CERS6: variants seen among roughly 807,000 people sequenced by gnomAD.
CERS6 encodes the protein LAG1 homolog, ceramide synthase 6.
In CERS6, 26 loss-of-function variants were observed where a neutral mutation model predicts 56.8. The observed-to-expected ratio is 0.46, with a 90% confidence interval of 0.34 to 0.63. The LOEUF is 0.63. Among genes scored for constraint, CERS6 ranks in the 30% least tolerant of loss-of-function variants. The pLI is 0.01. For synonymous variants in CERS6, 164 were observed against 173.3 expected (o/e 0.95, Z 0.42); for missense variants, 415 against 467.5 (o/e 0.89, Z 1.04).
chr2:168,691,208 G>C (rs1686493356), intron 5 of CERS6, 124 bp downstream of exon 5: 1 of 794,184 alleles, frequency 1.3e-6, no homozygotes, highest in Admixed American at 1.8e-5. Context: ...CACTCCCGCT[G>C]ATCAGTGCTG....
In CERS6 at chr2:168,680,570, A is replaced by G. The variant is rs577910731; in HGVS notation, c.466-10464A>G. Among the ~76,000 whole-genome samples the G allele has an allele frequency of 3.5e-5, 3 of 84,708 alleles. No homozygotes were observed. In the South Asian group the frequency reaches 1.3e-3, roughly 36 times the overall value. 55.6% of individuals were successfully genotyped at this position (84,708 alleles called of 152,430 possible). A position where few individuals can be genotyped will look rare whatever the true frequency, so the allele number is the denominator to read the frequency against. ...GCCTTCCCCTCCCACCCCACCCTCC[A>G]AGGCTGCTGTGATTTGAATGTGTCC... On this transcript the variant is annotated intron_variant, in intron 4 of 9. Transcript: ENST00000305747.
In CERS6 at chr2:168,704,019, GGAAAA is replaced by G. The variant is rs554543238; in HGVS notation, c.609+8972_609+8976del. Among the ~76,000 whole-genome samples, 17 of 152,296 alleles carry G rather than the reference GGAAAA, an allele frequency of 1.1e-4. No homozygotes were observed. In the East Asian group the frequency reaches 3.3e-3, roughly 29 times the overall value. ...TGGAAGAACAATAGAACTATTGTCT[GGAAAA>G]GAAGTGTTTCATGGGGTAATTTTTA... On this transcript the variant is annotated intron_variant, in intron 6 of 9. Transcript: ENST00000305747.
At chr2:168,489,933 T>A (rs1267558559) in intron 1 of CERS6, among the ~76,000 whole-genome samples, 1 of 152,200 alleles carries the variant, frequency 6.6e-6, no homozygotes, top group Non-Finnish European at 1.5e-5. Context: ...TGGTATAGAT[T>A]CTGGGTCCTG....
At chr2:168,565,920 C>T (rs571550576) in intron 3 of CERS6, among the ~76,000 whole-genome samples, 10 of 152,180 alleles carry the variant, frequency 6.6e-5, no homozygotes, top group South Asian at 6.2e-4. Context: ...AAGCAGGTGC[C>T]GGTTGGGATT....
intron 8 of CERS6, among the ~76,000 whole-genome samples, chr2:168,721,592 C>CAAAAAA (rs1161915718): frequency 1.2e-5 from 1 of 80,728 alleles, no homozygotes. Context: ...AAAACAAAAA[C>CAAAAAA]TAAAGAAAAA....
intron 3 of CERS6, 81 bp downstream of exon 3, chr2:168,561,403 A>G: frequency 6.8e-7 from 1 of 1,473,598 alleles, no homozygotes; most frequent in Non-Finnish European, 9.3e-7. Context: ...AGATCTGTGC[A>G]GGCTTCAGCA....
At chr2:168,606,507 T>G (rs1445305703) in intron 3 of CERS6, 1 of 152,220 alleles carries the variant, frequency 6.6e-6, no homozygotes, top group East Asian at 1.9e-4. Context: ...ACTAAGTTGT[T>G]TTTTATTTTA....
Position 168,546,961 on chromosome 2 carries a change from A to T in CERS6, c.171-635A>T, listed in dbSNP as rs77762470. On this transcript the variant is annotated intron_variant, in intron 1 of 9. Coordinates refer to ENST00000305747, the MANE Select transcript of CERS6 (RefSeq NM_203463.3). ...CTTGACGTAGGCATTGGCTTAGGAT[A>T]AAAACAGTTTTGTGGATGTTCATAA... Among the ~76,000 whole-genome samples, 784 of 152,308 alleles carry T rather than the reference A, an allele frequency of 5.1e-3. 6 individuals carry two copies. Among genetic ancestry groups the T allele is most frequent in the African/African-American group, 0.018 (760 of 41,576 alleles).
chr2:168,751,056 T>G (rs956498351), intron 8 of CERS6, among the ~76,000 whole-genome samples: 2 of 152,186 alleles, frequency 1.3e-5, no homozygotes, highest in Admixed American at 1.3e-4. Flanking sequence ...AAAACATAGC[T>G]GTGGTCACTG....
intron 1 of CERS6, among the ~76,000 whole-genome samples, chr2:168,511,949 TGC>T (rs1491475003): frequency 1.7e-5 from 1 of 59,822 alleles, no homozygotes; most frequent in Non-Finnish European, 4.3e-5. Flanking sequence ...TGCATGCACG[TGC>T]ACACACACAC....
chr2:168,597,017 G>T (rs776293228), intron 3 of CERS6, among the ~76,000 whole-genome samples: 3 of 152,084 alleles, frequency 2.0e-5, no homozygotes, highest in Non-Finnish European at 2.9e-5. Flanking sequence ...CCTGCTTCTT[G>T]AACTCCAATT....
intron 3 of CERS6, among the ~76,000 whole-genome samples, chr2:168,614,388 T>C (rs1020159218): frequency 6.6e-5 from 10 of 152,360 alleles, no homozygotes; most frequent in South Asian, 2.1e-4. Context: ...GGCATGATTT[T>C]AAATGTCTGC....
At position 168,644,229 on chromosome 2, in the gene CERS6, C is replaced by T. The variant is rs192673362; in HGVS notation, c.465+13187C>T. ...GAGGGAGGATTTCAGATAGGGTGCT[C>T]AGGGAAGTCTGAACTGAGCATGTGA... On this transcript the variant is annotated intron_variant, in intron 4 of 9. Transcript: ENST00000305747. The T allele has an allele frequency of 8.5e-6, 8 of 941,428 alleles. No homozygotes were observed. The East Asian group carries it at 8.2e-4, about 96-fold the overall frequency. 58.3% of individuals were successfully genotyped at this position (941,428 alleles called of 1,614,324 possible). A position where few individuals can be genotyped will look rare whatever the true frequency, so the allele number is the denominator to read the frequency against.
At chr2:168,679,882 G>A (rs1686166457) in intron 4 of CERS6, among the ~76,000 whole-genome samples, 1 of 152,134 alleles carries the variant, frequency 6.6e-6, no homozygotes, top group East Asian at 1.9e-4. Flanking sequence ...TTATTTATGA[G>A]CAATATCCTT....
intron 1 of CERS6, among the ~76,000 whole-genome samples, chr2:168,464,283 C>T (rs1693831796): frequency 6.7e-6 from 1 of 150,342 alleles, no homozygotes; most frequent in African/African-American, 2.4e-5. Flanking sequence ...CCTCTGACTC[C>T]CAGGTTCAAG....
chr2:168,645,166 G>C (rs1173372932), intron 4 of CERS6, among the ~76,000 whole-genome samples: 4 of 123,628 alleles, frequency 3.2e-5, no homozygotes, highest in African/African-American at 1.2e-4. Context: ...GAGAGAGAGA[G>C]AGAGAGAGAG....
chr2:168,483,793 G>C (rs1694219587), intron 1 of CERS6, among the ~76,000 whole-genome samples: 1 of 152,192 alleles, frequency 6.6e-6, no homozygotes, highest in Admixed American at 6.5e-5. Context: ...GGAACTTAAT[G>C]AGAAAATATT....
chr2:168,669,170 C>T (rs1282547632), intron 4 of CERS6, among the ~76,000 whole-genome samples: 1 of 152,202 alleles, frequency 6.6e-6, no homozygotes, highest in African/African-American at 2.4e-5. Context: ...GACTCTCTGT[C>T]TTTATGCTCT....
At chr2:168,724,001 C>T (rs980434632) in intron 8 of CERS6, among the ~76,000 whole-genome samples, 1 of 152,176 alleles carries the variant, frequency 6.6e-6, no homozygotes, top group Non-Finnish European at 1.5e-5. Context: ...GGAATTCCTT[C>T]CTAATGTGTC....
Sources: gnomAD v4.1 joint callset for allele counts (sites outside exome capture counted in the v4.1 genomes callset) on GRCh38, gnomAD v4.1.1 for gene constraint, MANE v1.5 for transcripts, NCBI Gene and HGNC (gene_info 2026-07-23, HGNC 2026-07-21) for gene names.